Variants in CATSPERB observed in about 807,000 individuals in gnomAD.
The protein encoded by CATSPERB is cation channel sperm-associated auxiliary subunit beta.
In CATSPERB, 93 loss-of-function variants were observed where a neutral mutation model predicts 128.3. That is an observed-to-expected ratio of 0.72 (90% confidence interval 0.61 to 0.86). The LOEUF (loss-of-function observed/expected upper bound fraction) is 0.86. CATSPERB is among the 40% of genes least tolerant of loss of function. The probability of loss-of-function intolerance (pLI) is 0.00; values close to 1 mark genes in which losing one functional copy is unlikely to be tolerated. For synonymous variants in CATSPERB, 381 were observed against 448.8 expected (o/e 0.85, Z 1.91); for missense variants, 1,153 against 1,329.5 (o/e 0.87, Z 2.06).
chr14:91,617,469 C>T (rs1475676138), intron 20 of CATSPERB, 128 bp downstream of exon 20: 18 of 596,274 alleles, frequency 3.0e-5, no homozygotes, highest in Non-Finnish European at 3.0e-5. Context: ...ATCCTTGTAA[C>T]CCTATACTCT....
intron 4 of CATSPERB, among the ~76,000 whole-genome samples, chr14:91,720,646 T>C (rs1896012659): frequency 6.6e-6 from 1 of 152,122 alleles, no homozygotes; most frequent in African/African-American, 2.4e-5. Context: ...ATTAGTAAAA[T>C]GGCAATACTA....
chr14:91,611,489 A>G (rs897033084), intron 20 of CATSPERB, among the ~76,000 whole-genome samples: 1 of 152,180 alleles, frequency 6.6e-6, no homozygotes, highest in African/African-American at 2.4e-5. Flanking sequence ...ATATGCCTGT[A>G]GTCCCAGCTG....
intron 20 of CATSPERB, among the ~76,000 whole-genome samples, chr14:91,616,733 C>CCCT (rs1555360387): frequency 1.2e-5 from 1 of 84,482 alleles, no homozygotes; most frequent in African/African-American, 4.7e-5. Flanking sequence ...AAGTATTCCC[C>CCCT]TTTTTTTTTT....
chr14:91,612,044 C>G (rs548515444), intron 20 of CATSPERB, among the ~76,000 whole-genome samples: 506 of 110,438 alleles, frequency 4.6e-3, no homozygotes, highest in Non-Finnish European at 7.6e-3. Context: ...TTCTTTCTTT[C>G]TTTCTTTCTT....
intron 20 of CATSPERB, among the ~76,000 whole-genome samples, chr14:91,612,809 A>G (rs1334079356): frequency 6.6e-6 from 1 of 152,208 alleles, no homozygotes; most frequent in African/African-American, 2.4e-5. Flanking sequence ...GGAAATACAG[A>G]GGTCTAATGG....
At chr14:91,600,199 A>C (rs919207085) in intron 22 of CATSPERB, among the ~76,000 whole-genome samples, 2 of 152,224 alleles carry the variant, frequency 1.3e-5, no homozygotes, top group Non-Finnish European at 2.9e-5. Flanking sequence ...ACTGATATCC[A>C]TAACAGCTGC....
rs931424142 is a variant in CATSPERB at position 91,592,192 on chromosome 14, C to T, written c.2710-190G>A. 6 of 585,364 alleles carry T rather than the reference C, an allele frequency of 1.0e-5. No homozygotes were observed. In the African/African-American group the frequency reaches 1.1e-4, roughly 11 times the overall value. The allele number at this position is 585,364 out of a possible 1,614,324, so 36.3% of individuals were successfully genotyped here. A position where few individuals can be genotyped will look rare whatever the true frequency, so the allele number is the denominator to read the frequency against. On this transcript the variant is annotated intron_variant, in intron 22 of 26. Coordinates refer to ENST00000256343, the MANE Select transcript of CATSPERB (RefSeq NM_024764.4). ...TTTCTGAATTTTAGTTGCCCCCTTG[C>T]TTGGTAATTTGAACCCAAGTATTAC...
rs148184054 is a variant in CATSPERB at position 91,656,502 on chromosome 14, G to A, written c.1432+3335C>T. ...AAATTAATAGAAGAATTGATCAAGC[G>A]GAATAAAGAATCAGTGAGCTTGAAG... On this transcript the variant is annotated intron_variant, in intron 15 of 26. Transcript: ENST00000256343. Among the ~76,000 whole-genome samples the A allele has an allele frequency of 9.2e-3, 1,395 of 151,924 alleles. 17 individuals carry two copies. Among genetic ancestry groups the A allele is most frequent in the Middle Eastern group, 0.044 (13 of 294 alleles).
intron 10 of CATSPERB, among the ~76,000 whole-genome samples, chr14:91,684,666 G>A (rs1412414752): frequency 6.8e-6 from 1 of 147,246 alleles, no homozygotes; most frequent in Non-Finnish European, 1.5e-5. Context: ...CCAGGCTGGA[G>A]TGCAGTAGCA....
chr14:91,717,840 A>T (rs1895968292), intron 5 of CATSPERB, among the ~76,000 whole-genome samples: 1 of 152,220 alleles, frequency 6.6e-6, no homozygotes, highest in Non-Finnish European at 1.5e-5. Context: ...CTTACCTCTG[A>T]ACATTTTTCC....
intron 11 of CATSPERB, among the ~76,000 whole-genome samples, chr14:91,674,803 G>A (rs1026452697): frequency 7.9e-5 from 12 of 152,146 alleles, no homozygotes; most frequent in African/African-American, 1.9e-4. Flanking sequence ...CCTGGCCATC[G>A]TGAAGATGAC....
chr14:91,681,393 G>A (rs1332397573), intron 11 of CATSPERB, among the ~76,000 whole-genome samples: 5 of 152,084 alleles, frequency 3.3e-5, no homozygotes, highest in Non-Finnish European at 5.9e-5. Context: ...AAAAACTAAA[G>A]AGAGAAGCCA....
intron 19 of CATSPERB, among the ~76,000 whole-genome samples, chr14:91,619,059 C>T (rs564800435): frequency 6.6e-6 from 1 of 152,200 alleles, no homozygotes; most frequent in South Asian, 2.1e-4. Flanking sequence ...ACTGATTGAG[C>T]CCTTTAATAA....
intron 12 of CATSPERB, among the ~76,000 whole-genome samples, 171 bp from the exon 13 acceptor site, chr14:91,673,187 G>T (rs1397783741): frequency 6.6e-6 from 1 of 151,840 alleles, no homozygotes; most frequent in African/African-American, 2.4e-5. Context: ...TAAACTCCCT[G>T]GTCTTAAAAC....
In CATSPERB at chr14:91,669,887, G is replaced by A. The variant is rs376142822; in HGVS notation, c.1214C>T (p.Pro405Leu). ...SQSKFPIFRFPSSFSSPVGMV... is the reference protein window; with the variant it reads ...SQSKFPIFRFLSSFSSPVGMV... ...TCCAACGGGAGAAGAGAATGATGAA[G>A]GAAACCGAAAAATTGGAAATTTTGA... is the stretch of plus-strand genomic sequence containing the variant. The change falls in exon 14 of 27, where the codon CCT becomes CTT. Residue 405 changes from proline to leucine, a missense_variant. Transcript: ENST00000256343. The A allele has an allele frequency of 4.1e-5, 66 of 1,613,540 alleles. No homozygotes were observed. Among genetic ancestry groups the A allele is most frequent in the Non-Finnish European group, 5.3e-5 (62 of 1,179,920 alleles).
In CATSPERB at chr14:91,587,126, C is replaced by T. The variant is rs576361465; in HGVS notation, c.3132+76G>A. 227 of 1,174,198 alleles carry T rather than the reference C, an allele frequency of 1.9e-4. 1 individual carries two copies. In the South Asian group the frequency reaches 2.5e-3, roughly 13 times the overall value. The allele number at this position is 1,174,198 out of a possible 1,614,324, so 72.7% of individuals were successfully genotyped here. On this transcript the variant is annotated intron_variant, in intron 26 of 26. Coordinates refer to ENST00000256343, the MANE Select transcript of CATSPERB (RefSeq NM_024764.4). ...ACAAATTCTGCCAATTTTTTCTCTT[C>T]GGTGTCTCTTGAATTGGTTTTGTCA... is the stretch of plus-strand genomic sequence containing the variant.
intron 2 of CATSPERB, among the ~76,000 whole-genome samples, chr14:91,725,541 AT>A (rs1896107287): frequency 2.0e-5 from 3 of 152,190 alleles, no homozygotes; most frequent in Admixed American, 2.0e-4. Context: ...CTGAATGAAG[AT>A]GTTAGGAGAC....
intron 3 of CATSPERB, among the ~76,000 whole-genome samples, chr14:91,724,866 A>G (rs1234572429): frequency 6.6e-6 from 1 of 152,202 alleles, no homozygotes; most frequent in Non-Finnish European, 1.5e-5. Flanking sequence ...AAGCAAAAAC[A>G]CCCAGGATGC....
chr14:91,668,952 G>C (rs1448040174), intron 14 of CATSPERB, among the ~76,000 whole-genome samples: 1 of 152,210 alleles, frequency 6.6e-6, no homozygotes, highest in Non-Finnish European at 1.5e-5. Context: ...GAACCCACCG[G>C]AAGGAACCAA....
Sources: allele counts gnomAD v4.1 joint callset (sites outside exome capture counted in the v4.1 genomes callset), GRCh38; gene constraint gnomAD v4.1.1; transcripts MANE v1.5; gene names NCBI Gene and HGNC (gene_info 2026-07-23, HGNC 2026-07-21).